C7: variants seen among roughly 807,000 people sequenced by gnomAD.
The protein encoded by C7 is complement C7, also known as complement component C7.
Under a neutral mutation model 104.8 loss-of-function variants are expected in C7, and 83 were observed. The observed-to-expected ratio is 0.79, with a 90% CI of 0.66 to 0.95. C7 has a LOEUF of 0.95. C7 is among the 40% of genes least tolerant of loss of function. The pLI, the probability that C7 is intolerant of heterozygous loss-of-function variation, is 0.00. For missense variants in C7, 1,070 were observed against 1,011.2 expected (o/e 1.06, Z -0.79); for synonymous variants, 415 against 360.6 (o/e 1.15, Z -1.71).
At chr5:40,957,799 C>T (rs1329531685) in intron 10 of C7, among the ~76,000 whole-genome samples, 1 of 150,002 alleles carries the variant, frequency 6.7e-6, no homozygotes, top group Non-Finnish European at 1.5e-5. Context: ...TACGCATGCA[C>T]AGAAGATATA....
At position 40,972,483 on chromosome 5, in the gene C7, G is replaced by T. The variant is rs1167990710; in HGVS notation, c.1963G>T (p.Val655Leu). 2 of 1,613,758 alleles carry T rather than the reference G, an allele frequency of 1.2e-6. No homozygotes were observed. The highest frequency in any genetic ancestry group is 2.7e-5 in the African/African-American group (2 of 74,900). ...QKPFYTVGEK[V>L]TVSCSGGMSL... ...ACCTTTCTACACAGTTGGTGAGAAG[G>T]TGACTGTTTCCTGTTCAGGTGGCAT... Residue 655 changes from valine (V) to leucine (L), a missense_variant, in exon 15 of 18, where the codon GTG (valine) becomes TTG (leucine). Transcript: ENST00000313164.
chr5:40,966,628 C>T (rs1161589708), intron 14 of C7, among the ~76,000 whole-genome samples: 8 of 152,090 alleles, frequency 5.3e-5, no homozygotes, highest in African/African-American at 1.2e-4. Flanking sequence ...CTGCCTGAAT[C>T]GGCCTCCCAA....
chr5:40,968,851 A>C (rs1458376520), intron 14 of C7, among the ~76,000 whole-genome samples: 1 of 151,338 alleles, frequency 6.6e-6, no homozygotes, highest in African/African-American at 2.4e-5. Flanking sequence ...AGCTCAAGTG[A>C]TCTGCCTGCT....
intron 1 of C7, 53 bp downstream of exon 1, chr5:40,909,669 CG>C: frequency 7.5e-7 from 1 of 1,335,012 alleles, no homozygotes; most frequent in Non-Finnish European, 1.0e-6. Context: ...TTCAAATGAA[CG>C]GGGGTAATAT....
At chr5:40,942,762 T>G (rs953338004) in intron 6 of C7, among the ~76,000 whole-genome samples, 1 of 151,664 alleles carries the variant, frequency 6.6e-6, no homozygotes, top group Non-Finnish European at 1.5e-5. Flanking sequence ...GCGATTTTCT[T>G]TCTTTCTTTT....
chr5:40,931,571 G>C lies in C7; in HGVS notation c.138+432G>C, dbSNP rs889864871. ...TGCTTGATTTTACTTCACAAATAGC[G>C]AACAACCATGAAAAAAATTTTGCAA... is the stretch of plus-strand genomic sequence containing the variant. On this transcript the variant is annotated intron_variant, in intron 3 of 17. Transcript: ENST00000313164. Among the ~76,000 whole-genome samples the C allele has an allele frequency of 2.4e-5, 3 of 126,990 alleles. No individual in the cohort carries two copies. In the South Asian group the frequency reaches 7.7e-4, roughly 33 times the overall value. The allele number at this position is 126,990 out of a possible 152,430, so 83.3% of individuals were successfully genotyped here. A position where few individuals can be genotyped will look rare whatever the true frequency, so the allele number is the denominator to read the frequency against.
chr5:40,962,072 T>C lies in C7; in HGVS notation c.1662-13T>C, dbSNP rs1371094775. 3 of 1,456,574 alleles carry C rather than the reference T, an allele frequency of 2.1e-6. No individual in the cohort carries two copies. The highest frequency in any genetic ancestry group is 2.8e-6 in the Non-Finnish European group (3 of 1,080,512). The allele number at this position is 1,456,574 out of a possible 1,614,324, so 90.2% of individuals were successfully genotyped here. ...CAAATCAATCACATTAATTACATTT[T>C]TTTTCCTTCCAGGTTGCTTGAACCA... On this transcript the variant is annotated splice_polypyrimidine_tract_variant and intron_variant, in intron 12 of 17. Transcript: ENST00000313164.
chr5:40,926,094 A>T (rs907288006), intron 1 of C7, among the ~76,000 whole-genome samples: 17 of 152,362 alleles, frequency 1.1e-4, no homozygotes, highest in African/African-American at 3.8e-4. Flanking sequence ...CCTGAAATGC[A>T]AGGATGGTTC....
Position 40,931,084 on chromosome 5 carries a change from G to A in C7, c.83G>A (p.Cys28Tyr). The A allele has an allele frequency of 1.2e-6, 2 of 1,613,368 alleles. No homozygotes were observed. Among genetic ancestry groups the A allele is most frequent in the East Asian group, 2.2e-5 (1 of 44,880 alleles). The change falls in exon 3 of 18, where the codon TGC (cysteine) becomes TAC (tyrosine). Residue 28 changes from cysteine to tyrosine, a missense_variant. Coordinates refer to ENST00000313164, the MANE Select transcript of C7 (RefSeq NM_000587.4). ...GGCAGTGCCTCCTCTCCAGTCAACT[G>A]CCAGTGGGACTTCTATGCCCCTTGG... ...SFSSASSPVN[C>Y]QWDFYAPWSE...
intron 1 of C7, among the ~76,000 whole-genome samples, chr5:40,914,328 T>C (rs2675979): frequency 0.25 from 38,429 of 152,046 alleles, 5,630 homozygotes; most frequent in African/African-American, 0.41. Flanking sequence ...TTTGTTGTTA[T>C]CATTGTTTGA....
At position 40,972,439 on chromosome 5, in the gene C7, T is replaced by C; in HGVS notation, c.1919T>C (p.Ile640Thr). The change falls in exon 15 of 18, where the codon ATA (isoleucine) becomes ACA (threonine). Residue 640 changes from isoleucine to threonine, a missense_variant. Transcript: ENST00000313164. Reference sequence around the variant, plus strand: ...GTTCTACCTGTACTGATGGATGGCATACAGAGTCACCCCCAAAAACCTTTC... The same window carrying C: ...GTTCTACCTGTACTGATGGATGGCACACAGAGTCACCCCCAAAAACCTTTC... Reference protein sequence around the residue: ...ACVLPVLMDGIQSHPQKPFYT... With the variant: ...ACVLPVLMDGTQSHPQKPFYT... 2 of 1,613,940 alleles carry C rather than the reference T, an allele frequency of 1.2e-6. No homozygotes were observed. Among genetic ancestry groups the C allele is most frequent in the Non-Finnish European group, 1.7e-6 (2 of 1,179,816 alleles).
chr5:40,921,392 C>G (rs1739435172), intron 1 of C7, among the ~76,000 whole-genome samples: 1 of 151,916 alleles, frequency 6.6e-6, no homozygotes, highest in African/African-American at 2.4e-5. Flanking sequence ...CCAAAGTGAT[C>G]TACAGATTCA....
At chr5:40,961,972 T>C in intron 12 of C7, 113 bp from the exon 13 acceptor site, 1 of 463,950 alleles carries the variant, frequency 2.2e-6, no homozygotes, top group Non-Finnish European at 3.7e-6. Context: ...ATTACACCAA[T>C]GTACTTAAAT....
Position 40,936,391 on chromosome 5 carries a change from G to C in C7, c.334G>C (p.Asp112His), listed in dbSNP as rs995282440. The C allele has an allele frequency of 6.2e-7, 1 of 1,613,308 alleles. No homozygotes were observed. Among genetic ancestry groups the C allele is most frequent in the Non-Finnish European group, 8.5e-7 (1 of 1,179,416 alleles). Residue 112 changes from aspartate to histidine, a missense_variant, in exon 5 of 18, where the codon GAC becomes CAC. Coordinates refer to ENST00000313164, the MANE Select transcript of C7 (RefSeq NM_000587.4). ...CAATGGGGATTCTGACTGTGATGAA[G>C]ACAGTGCTGATGAAGACAGATGTGA... is the stretch of plus-strand genomic sequence containing the variant. ...VCNGDSDCDEDSADEDRCEDS... is the reference protein window; with the variant it reads ...VCNGDSDCDEHSADEDRCEDS...
intron 9 of C7, among the ~76,000 whole-genome samples, chr5:40,950,367 T>G (rs976682695): frequency 1.3e-5 from 2 of 152,330 alleles, no homozygotes; most frequent in East Asian, 3.9e-4. Flanking sequence ...TCCATGTCCC[T>G]GCAAAGGACA....
chr5:40,962,035 T>G, intron 12 of C7, 50 bp from the exon 13 acceptor site: 2 of 989,060 alleles, frequency 2.0e-6, no homozygotes, highest in Non-Finnish European at 2.9e-6. Context: ...GCAAAATAAT[T>G]ATTATACTGT....
chr5:40,931,274 G>T (rs919724014), intron 3 of C7, 135 bp downstream of exon 3: 1 of 658,238 alleles, frequency 1.5e-6, no homozygotes, highest in Non-Finnish European at 2.7e-6. Flanking sequence ...ATTTTGAGGG[G>T]AGAAAAGTAT....
At chr5:40,953,399 T>C (rs1740218400) in intron 9 of C7, among the ~76,000 whole-genome samples, 1 of 151,984 alleles carries the variant, frequency 6.6e-6, no homozygotes, top group African/African-American at 2.4e-5. Flanking sequence ...TCCCAGCACT[T>C]TGGCAGGCTG....
rs758458216 is a variant in C7 at position 40,947,740 on chromosome 5, C to T, written c.877C>T (p.Arg293Ter). 1.4e-5 allele frequency: 22 copies of T among 1,613,618 alleles called. No homozygotes were observed. Among genetic ancestry groups the T allele is most frequent in the Non-Finnish European group, 1.7e-5 (20 of 1,179,732 alleles). ...CTCTCTGTATGACTACAGTGCCTACCGAAGATTAATCGACCAGTACGGGAC... is the reference window on the plus strand; with the variant it reads ...CTCTCTGTATGACTACAGTGCCTACTGAAGATTAATCGACCAGTACGGGAC... ...LPSLYDYSAY[R>*]RLIDQYGTHY... Residue 293 changes from arginine to a stop codon, truncating the protein, a stop_gained, in exon 8 of 18, where the codon CGA becomes TGA. Transcript: ENST00000313164. LOFTEE classifies it high-confidence loss of function.
Sources: allele counts gnomAD v4.1 joint callset (sites outside exome capture counted in the v4.1 genomes callset), GRCh38; gene constraint gnomAD v4.1.1; transcripts MANE v1.5; gene names NCBI Gene and HGNC (gene_info 2026-07-23, HGNC 2026-07-21).